WWOX: variants seen among roughly 807,000 people sequenced by gnomAD.
WWOX encodes the protein WW domain-containing oxidoreductase.
A neutral mutation model predicts 46.2 loss-of-function variants in WWOX; 69 were observed. The observed-to-expected ratio is 1.49, with a 90% confidence interval of 1.23 to 1.82. The LOEUF (loss-of-function observed/expected upper bound fraction) is 1.82. Ranked by LOEUF, WWOX falls within the 40% of genes most tolerant of loss-of-function variation. The probability of loss-of-function intolerance (pLI) is 0.00; values close to 1 mark genes in which losing one functional copy is unlikely to be tolerated. For synonymous variants in WWOX, 359 were observed against 202.6 expected (o/e 1.77, Z -6.56); for missense variants, 919 against 542.6 (o/e 1.69, Z -6.89).
intron 8 of WWOX, among the ~76,000 whole-genome samples, chr16:78,605,437 C>G (rs1014349847): frequency 6.6e-6 from 1 of 151,538 alleles, no homozygotes; most frequent in African/African-American, 2.4e-5. Flanking sequence ...CTTCTACTCT[C>G]AGTGAAAGAA....
intron 8 of WWOX, among the ~76,000 whole-genome samples, chr16:79,151,483 A>G (rs924172691): frequency 3.3e-5 from 5 of 152,176 alleles, no homozygotes; most frequent in Non-Finnish European, 7.4e-5. Flanking sequence ...GAGGGAGAGG[A>G]CAGTAACCAA....
At chr16:78,130,027 G>A (rs1201086295) in intron 4 of WWOX, 1 of 152,042 alleles carries the variant, frequency 6.6e-6, no homozygotes, top group East Asian at 1.9e-4. Context: ...GTTTTATAAG[G>A]GGCTTTCTTC....
chr16:78,535,217 T>G (rs868003466), intron 8 of WWOX: 1 of 152,190 alleles, frequency 6.6e-6, no homozygotes, highest in Non-Finnish European at 1.5e-5. Flanking sequence ...CTCAGGGAGA[T>G]AAGATCACCT....
chr16:78,739,246 G>C (rs1597522840), intron 8 of WWOX, among the ~76,000 whole-genome samples: 1 of 152,194 alleles, frequency 6.6e-6, no homozygotes, highest in African/African-American at 2.4e-5. Context: ...TGGAGGCCAT[G>C]TTGTTTGTGG....
intron 8 of WWOX, among the ~76,000 whole-genome samples, chr16:78,813,349 A>G (rs2051244647): frequency 6.6e-6 from 1 of 152,160 alleles, no homozygotes; most frequent in East Asian, 1.9e-4. Context: ...TTTAAGTCCA[A>G]GAAGCCTGCT....
At chr16:79,118,859 A>T (rs75411460) in intron 8 of WWOX, among the ~76,000 whole-genome samples, 1 of 152,182 alleles carries the variant, frequency 6.6e-6, no homozygotes, top group African/African-American at 2.4e-5. Flanking sequence ...CTTAACTGCA[A>T]TTCTTAGTGG....
chr16:78,479,048 C>G (rs951285141), intron 8 of WWOX, among the ~76,000 whole-genome samples: 1 of 152,098 alleles, frequency 6.6e-6, no homozygotes, highest in Non-Finnish European at 1.5e-5. Context: ...GATATCCAGG[C>G]TTCCTAAAAT....
chr16:78,655,904 G>A (rs944076117), intron 8 of WWOX, among the ~76,000 whole-genome samples: 1 of 152,116 alleles, frequency 6.6e-6, no homozygotes, highest in African/African-American at 2.4e-5. Flanking sequence ...CCCCAGCTCT[G>A]TATTCGAGCG....
intron 8 of WWOX, among the ~76,000 whole-genome samples, chr16:78,858,144 T>TGTG (rs2052610709): frequency 8.1e-5 from 12 of 148,538 alleles, no homozygotes; most frequent in African/African-American, 2.7e-4. Flanking sequence ...CATTGTGTGT[T>TGTG]TGTGTGTGTG....
intron 8 of WWOX, among the ~76,000 whole-genome samples, chr16:78,767,786 T>C (rs554628456): frequency 2.1e-4 from 32 of 152,282 alleles, no homozygotes; most frequent in African/African-American, 7.5e-4. Flanking sequence ...CCCTGCAGTG[T>C]TGATTCCCAT....
intron 5 of WWOX, among the ~76,000 whole-genome samples, chr16:78,184,788 A>C (rs1008982330): frequency 6.6e-6 from 1 of 152,178 alleles, no homozygotes; most frequent in Non-Finnish European, 1.5e-5. Flanking sequence ...ACTCAGAGAG[A>C]TGTCTGGGAA....
At chr16:78,896,827 A>G (rs1269456944) in intron 8 of WWOX, 2 of 152,154 alleles carry the variant, frequency 1.3e-5, no homozygotes, top group African/African-American at 4.8e-5. Context: ...CATAATTTAC[A>G]TAATTTATGT....
At chr16:78,412,574 G>A (rs1244394385) in intron 6 of WWOX, among the ~76,000 whole-genome samples, 1 of 152,156 alleles carries the variant, frequency 6.6e-6, no homozygotes, top group East Asian at 1.9e-4. Context: ...AAAATGGAGT[G>A]GTAGTGGCAT....
At chr16:78,452,674 C>T (rs1482330398) in intron 8 of WWOX, among the ~76,000 whole-genome samples, 3 of 151,614 alleles carry the variant, frequency 2.0e-5, no homozygotes, top group Non-Finnish European at 4.4e-5. Flanking sequence ...CTAGGTTTTA[C>T]CATGTTGGCC....
At chr16:78,156,724 G>A (rs1440248337) in intron 4 of WWOX, among the ~76,000 whole-genome samples, 1 of 152,154 alleles carries the variant, frequency 6.6e-6, no homozygotes. Context: ...AGGAGTTCGA[G>A]AGCAGCCTGG....
At chr16:78,759,719 T>C (rs187010636) in intron 8 of WWOX, among the ~76,000 whole-genome samples, 7 of 152,336 alleles carry the variant, frequency 4.6e-5, no homozygotes, top group Middle Eastern at 3.4e-3. Context: ...TTCCTATGGC[T>C]GCTGTAAAAA....
intron 5 of WWOX, among the ~76,000 whole-genome samples, chr16:78,289,294 C>A (rs895442726): frequency 1.3e-5 from 2 of 152,078 alleles, no homozygotes; most frequent in Non-Finnish European, 2.9e-5. Context: ...AAGAATAAAA[C>A]CTAGGCGAGG....
intron 8 of WWOX, among the ~76,000 whole-genome samples, chr16:79,120,595 G>T (rs1027743838): frequency 2.6e-5 from 4 of 152,136 alleles, no homozygotes; most frequent in Admixed American, 6.5e-5. Flanking sequence ...GAGCCCAGAC[G>T]TCTGAAATTG....
intron 8 of WWOX, among the ~76,000 whole-genome samples, chr16:78,620,728 A>T (rs1050098648): frequency 9.9e-5 from 15 of 152,212 alleles, no homozygotes; most frequent in African/African-American, 3.1e-4. Context: ...TGGGTTAGCA[A>T]AATGCATATT....
Sources: allele counts gnomAD v4.1 joint callset (sites outside exome capture counted in the v4.1 genomes callset), GRCh38; gene constraint gnomAD v4.1.1; transcripts MANE v1.5; gene names NCBI Gene and HGNC (gene_info 2026-07-23, HGNC 2026-07-21).